Variants in COXFA4L3 observed in about 807,000 individuals in gnomAD.
COXFA4L3 encodes the protein MIR147B host.
chr15:45,432,024 G>C, the COXFA4L3 span: 1 of 1,546,048 alleles, frequency 6.5e-7, no homozygotes, highest in Non-Finnish European at 8.9e-7. Flanking sequence ...ATCAGTGTTG[G>C]TTTAAATTCA....
the COXFA4L3 span, chr15:45,433,149 G>T: frequency 1.0e-6 from 1 of 954,848 alleles, no homozygotes; most frequent in East Asian, 2.4e-5. Flanking sequence ...CATTTTTTGG[G>T]CTCTGGATAA....
At chr15:45,432,132 G>C in the COXFA4L3 span, 2 of 1,610,626 alleles carry the variant, frequency 1.2e-6, no homozygotes, top group African/African-American at 2.7e-5. Context: ...TACCTCAAAA[G>C]GTATTGTTAA....
At chr15:45,432,495 T>C in the COXFA4L3 span, among the ~76,000 whole-genome samples, 1 of 152,170 alleles carries the variant, frequency 6.6e-6, no homozygotes, top group Non-Finnish European at 1.5e-5. Flanking sequence ...TGAAATTCCA[T>C]CTTTACTAAA....
the COXFA4L3 span, chr15:45,433,010 C>G: frequency 6.2e-7 from 1 of 1,613,080 alleles, no homozygotes; most frequent in South Asian, 1.1e-5. Context: ...AAAGGGTGAC[C>G]AAATGACGAG....
the COXFA4L3 span, chr15:45,432,085 A>C: frequency 6.8e-6 from 11 of 1,613,688 alleles, no homozygotes; most frequent in Non-Finnish European, 9.3e-6. Flanking sequence ...TGATCGAAAA[A>C]AAAATCCAGA....
the COXFA4L3 span, chr15:45,430,839 T>G: frequency 6.2e-7 from 1 of 1,607,978 alleles, no homozygotes; most frequent in Non-Finnish European, 8.5e-7. Context: ...GGAAGTAAGT[T>G]TTAAAAACAA....
At chr15:45,432,630 A>T in the COXFA4L3 span, among the ~76,000 whole-genome samples, 1 of 152,140 alleles carries the variant, frequency 6.6e-6, no homozygotes, top group East Asian at 1.9e-4. Context: ...GTGCCACTGC[A>T]CTCCAGCCTG....
chr15:45,432,302 G>A, the COXFA4L3 span, among the ~76,000 whole-genome samples: 1 of 152,172 alleles, frequency 6.6e-6, no homozygotes, highest in Non-Finnish European at 1.5e-5. Flanking sequence ...CAGGAGCATT[G>A]TCCATCCACT....
the COXFA4L3 span, chr15:45,432,133 G>C: frequency 3.1e-6 from 5 of 1,610,530 alleles, no homozygotes; most frequent in Non-Finnish European, 4.2e-6. Flanking sequence ...ACCTCAAAAG[G>C]TATTGTTAAA....
At chr15:45,432,891 C>G in the COXFA4L3 span, 2 of 1,484,168 alleles carry the variant, frequency 1.3e-6, no homozygotes, top group East Asian at 2.3e-5. Context: ...GAGGGACATG[C>G]AAATGAAAGT....
the COXFA4L3 span, chr15:45,431,339 C>A: frequency 2.7e-6 from 1 of 369,762 alleles, no homozygotes; most frequent in Non-Finnish European, 4.8e-6. Flanking sequence ...TAGTTTATTT[C>A]TTGTGTTTAT....
the COXFA4L3 span, chr15:45,430,750 T>G: frequency 6.3e-7 from 1 of 1,594,288 alleles, no homozygotes; most frequent in Non-Finnish European, 8.6e-7. Flanking sequence ...CGATCAATAC[T>G]TTGGATTTTT....
the COXFA4L3 span, chr15:45,430,925 TAC>T: frequency 6.4e-7 from 1 of 1,563,644 alleles, no homozygotes; most frequent in Non-Finnish European, 8.8e-7. Context: ...ATAAAATAAA[TAC>T]AGTTGTTTTG....
the COXFA4L3 span, chr15:45,430,760 T>C: frequency 6.2e-7 from 1 of 1,602,398 alleles, no homozygotes; most frequent in East Asian, 2.2e-5. Flanking sequence ...TTTGGATTTT[T>C]AATTTCTAGA....
the COXFA4L3 span, chr15:45,431,396 C>CT: frequency 3.0e-5 from 7 of 235,132 alleles, no homozygotes; most frequent in Non-Finnish European, 4.8e-5. Context: ...TGAAGTAAAG[C>CT]TTGTTTTTTT....
At chr15:45,430,704 C>T in the COXFA4L3 span, 2 of 1,285,276 alleles carry the variant, frequency 1.6e-6, no homozygotes, top group Non-Finnish European at 1.1e-6. Flanking sequence ...CGCAGTTGGC[C>T]TGCGGAGCGC....
At chr15:45,430,884 A>G in the COXFA4L3 span, 4 of 1,576,980 alleles carry the variant, frequency 2.5e-6, no homozygotes, top group Non-Finnish European at 3.5e-6. Context: ...ATTTTTAAAG[A>G]TGAAAAGATG....
At chr15:45,430,911 A>G in the COXFA4L3 span, 2 of 1,567,518 alleles carry the variant, frequency 1.3e-6, no homozygotes, top group Admixed American at 3.6e-5. Flanking sequence ...ATTTTGAACA[A>G]AGTATAAAAT....
At chr15:45,431,036 G>A in the COXFA4L3 span, 7 of 1,614,120 alleles carry the variant, frequency 4.3e-6, no homozygotes, top group South Asian at 5.5e-5. Flanking sequence ...CTGTGGCGGC[G>A]GGTGGAGCCT....
Sources: gnomAD v4.1 joint callset for allele counts (sites outside exome capture counted in the v4.1 genomes callset) on GRCh38, gnomAD v4.1.1 for gene constraint, MANE v1.5 for transcripts, NCBI Gene and HGNC (gene_info 2026-07-23, HGNC 2026-07-21) for gene names.